MFSD8: variants seen among roughly 807,000 people sequenced by gnomAD.
The protein encoded by MFSD8 is major facilitator superfamily domain-containing protein 8.
Under a neutral mutation model 66.4 loss-of-function variants are expected in MFSD8, and 55 were observed. That is an observed-to-expected ratio of 0.83 (90% CI 0.67 to 1.04). The LOEUF (loss-of-function observed/expected upper bound fraction) is 1.04. MFSD8 is among the 50% of genes least tolerant of loss of function. The pLI, the probability that MFSD8 is intolerant of heterozygous loss-of-function variation, is 0.00. For synonymous variants in MFSD8, 202 were observed against 212.8 expected (o/e 0.95, Z 0.44); for missense variants, 550 against 627.6 (o/e 0.88, Z 1.32).
At chr4:127,945,306 T>C (rs1740854944) in intron 3 of MFSD8, 1 of 152,028 alleles carries the variant, frequency 6.6e-6, no homozygotes. Context: ...TTTATTTATT[T>C]ATTTTATTTT....
chr4:127,953,011 G>T (rs560696745), intron 2 of MFSD8, among the ~76,000 whole-genome samples: 1 of 152,112 alleles, frequency 6.6e-6, no homozygotes, highest in East Asian at 1.9e-4. Flanking sequence ...TCAATTGCAG[G>T]CATTGCTACC....
chr4:127,946,127 G>A (rs936706620), intron 3 of MFSD8, among the ~76,000 whole-genome samples: 5 of 151,882 alleles, frequency 3.3e-5, no homozygotes, highest in Middle Eastern at 3.4e-3. Flanking sequence ...GTCTTATATC[G>A]TTACCCAGGC....
chr4:127,944,420 G>C (rs1324015690), intron 3 of MFSD8, among the ~76,000 whole-genome samples: 1 of 151,940 alleles, frequency 6.6e-6, no homozygotes, highest in African/African-American at 2.4e-5. Flanking sequence ...AAAAAAACTA[G>C]GCACAAGAGT....
At chr4:127,942,844 T>A (rs1286194122) in intron 4 of MFSD8, among the ~76,000 whole-genome samples, 1 of 152,024 alleles carries the variant, frequency 6.6e-6, no homozygotes, top group Non-Finnish European at 1.5e-5. Context: ...TTACTGAAAA[T>A]TTTCATTGAG....
chr4:127,939,660 C>G, intron 6 of MFSD8, 193 bp downstream of exon 6: 1 of 207,450 alleles, frequency 4.8e-6, no homozygotes. Flanking sequence ...CCTTCCTTTT[C>G]TGTTCTCATT....
chr4:127,926,072 CA>C (rs942541710), intron 9 of MFSD8, among the ~76,000 whole-genome samples: 2 of 151,598 alleles, frequency 1.3e-5, no homozygotes, highest in Non-Finnish European at 2.9e-5. Context: ...ACATCACACA[CA>C]GGGGCCTATT....
intron 11 of MFSD8, 197 bp downstream of exon 11, chr4:127,921,327 G>T: frequency 2.2e-6 from 2 of 893,698 alleles, no homozygotes; most frequent in Non-Finnish European, 3.3e-6. Flanking sequence ...TACAACTTCT[G>T]TATCCAAAAC....
In MFSD8 at chr4:127,943,736, A is replaced by T. The variant is rs1320386320; in HGVS notation, c.439+16T>A. On this transcript the variant is annotated intron_variant, in intron 4 of 11. Coordinates refer to ENST00000641686, the MANE Select transcript of MFSD8 (RefSeq NM_001371596.2). Reference sequence around the variant, plus strand: ...ATGTGAATATGACACAACCAAACATATACATACAACCTTACCTGCTCCAAT... The same window carrying T: ...ATGTGAATATGACACAACCAAACATTTACATACAACCTTACCTGCTCCAAT... 7 of 1,613,944 alleles carry T rather than the reference A, an allele frequency of 4.3e-6. No individual in the cohort carries two copies. The Admixed American group carries it at 1.2e-4, about 27-fold the overall frequency.
intron 1 of MFSD8, among the ~76,000 whole-genome samples, chr4:127,961,240 T>TTG (rs5861841): frequency 0.08 from 12,150 of 152,200 alleles, 962 homozygotes; most frequent in East Asian, 0.27. Context: ...GGGAATATAC[T>TTG]TGTTTTTAAA....
chr4:127,928,714 T>C (rs529859341), intron 9 of MFSD8, among the ~76,000 whole-genome samples: 2 of 152,304 alleles, frequency 1.3e-5, no homozygotes, highest in East Asian at 1.9e-4. Flanking sequence ...GGAACTGCCA[T>C]ATGAACCAGC....
In MFSD8 at chr4:127,921,139, G is replaced by A. The variant is rs542666263; in HGVS notation, c.1351-303C>T. 4.7e-5 allele frequency: 26 copies of A among 555,202 alleles called. No individual in the cohort carries two copies. In the East Asian group the frequency reaches 6.1e-4, roughly 13 times the overall value. The allele number at this position is 555,202 out of a possible 1,614,324, so 34.4% of individuals were successfully genotyped here. On this transcript the variant is annotated intron_variant, in intron 11 of 11. Transcript: ENST00000641686. ...GTACCTGCTACATGCCAGTCACTGA[G>A]GTAGGTGCTTTAAATACATCATTTG... is the stretch of plus-strand genomic sequence containing the variant.
chr4:127,920,231 A>G lies in MFSD8; in HGVS notation c.*399T>C, dbSNP rs1736168395. 1 of 168,306 alleles carries G rather than the reference A, an allele frequency of 5.9e-6. No homozygotes were observed. The highest frequency in any genetic ancestry group is 1.5e-4 in the South Asian group (1 of 6,776). The allele number at this position is 168,306 out of a possible 1,614,324, so 10.4% of individuals were successfully genotyped here. On this transcript the variant is annotated 3_prime_UTR_variant, in exon 12 of 12. Transcript: ENST00000641686. ...CTTGGGTAGAGGTATTTAAAATTCT[A>G]TAATTTTGTTCTGCTATGGCTAATT...
At chr4:127,930,362 A>C (rs1156592944) in intron 9 of MFSD8, among the ~76,000 whole-genome samples, 1 of 152,190 alleles carries the variant, frequency 6.6e-6, no homozygotes, top group Non-Finnish European at 1.5e-5. Flanking sequence ...CTTAACCAAG[A>C]TTTTCCAAAC....
intron 7 of MFSD8, among the ~76,000 whole-genome samples, chr4:127,934,326 T>C (rs1358885794): frequency 6.6e-6 from 1 of 152,180 alleles, no homozygotes; most frequent in African/African-American, 2.4e-5. Flanking sequence ...ATCATTTATA[T>C]TTCTGCAAAG....
At chr4:127,939,553 C>T (rs766638059) in intron 6 of MFSD8, 6 of 207,362 alleles carry the variant, frequency 2.9e-5, no homozygotes, top group Non-Finnish European at 4.6e-5. Flanking sequence ...TGCATTGAGC[C>T]GAGATAGTGC....
At chr4:127,941,935 C>T (rs1740259702) in intron 5 of MFSD8, 110 bp downstream of exon 5, 1 of 864,294 alleles carries the variant, frequency 1.2e-6, no homozygotes, top group African/African-American at 1.7e-5. Context: ...AATTAGCTTT[C>T]CTCCCTTTCC....
Position 127,921,939 on chromosome 4 carries a change from C to T in MFSD8, c.1023G>A (p.Leu341=). 1 of 1,614,090 alleles carries T rather than the reference C, an allele frequency of 6.2e-7. No individual in the cohort carries two copies. ...CAACCCATACAACGATGAGTCCTCC[C>T]AGTAGAATAGCACGCTCGCCAATCC... ...SKKIGERAIL[L]GGLIVVWVGF... The change falls in exon 10 of 12, where the codon CTG becomes CTA. Residue 341 remains leucine, a synonymous_variant. Transcript: ENST00000641686.
intron 2 of MFSD8, among the ~76,000 whole-genome samples, chr4:127,952,261 C>A (rs1182209310): frequency 6.6e-6 from 1 of 151,360 alleles, no homozygotes; most frequent in Non-Finnish European, 1.5e-5. Flanking sequence ...AAAAATTATC[C>A]GGGTGTAGCG....
intron 1 of MFSD8, among the ~76,000 whole-genome samples, chr4:127,958,058 C>G (rs1382712905): frequency 6.6e-6 from 1 of 152,096 alleles, no homozygotes; most frequent in Non-Finnish European, 1.5e-5. Context: ...TTTTGGCTTC[C>G]TACTTCAGAA....
Sources: gnomAD v4.1 joint callset for allele counts (sites outside exome capture counted in the v4.1 genomes callset) on GRCh38, gnomAD v4.1.1 for gene constraint, MANE v1.5 for transcripts, NCBI Gene and HGNC (gene_info 2026-07-23, HGNC 2026-07-21) for gene names.